Variants in KEL observed in about 807,000 individuals in gnomAD.
The protein encoded by KEL is Kell metallo-endopeptidase (Kell blood group).
In KEL, 96 loss-of-function variants were observed where a neutral mutation model predicts 99.5. The ratio of observed to expected loss-of-function variants is 0.97; its 90% CI spans 0.82 to 1.14. The LOEUF (loss-of-function observed/expected upper bound fraction) is 1.14. Among genes scored for constraint, KEL ranks in the 50% most tolerant of loss-of-function variants. The pLI is 0.00. For synonymous variants in KEL, 355 were observed against 354.8 expected (o/e 1.00, Z -0.01); for missense variants, 926 against 924.2 (o/e 1.00, Z -0.03).
chr7:142,958,276 G>A (rs1295629177), intron 5 of KEL, 28 bp downstream of exon 5: 2 of 1,613,946 alleles, frequency 1.2e-6, no homozygotes, highest in South Asian at 1.1e-5. Flanking sequence ...TATGTATCCA[G>A]AAAAGTTAAT....
Position 142,952,623 on chromosome 7 carries a change from G to A in KEL, c.1089C>T (p.Ser363=). 6.2e-7 allele frequency: 1 copy of A among 1,614,092 alleles called. No individual in the cohort carries two copies. The highest frequency in any genetic ancestry group is 1.1e-5 in the South Asian group (1 of 91,072). The stretch of plus-strand genomic sequence containing the variant: ...TCACCACCAGCCCTAAGATCATGTG[G>A]CTCTGCAGAAAGTCCCTATGGAGAC... ...MLLKQRDFLQ[S]HMILGLVVTL... The change falls in exon 10 of 19, where the codon AGC becomes AGT. Residue 363 remains serine (S), a synonymous_variant. Transcript: ENST00000355265.
intron 18 of KEL, chr7:142,941,958 G>A (rs750356677): frequency 1.7e-4 from 29 of 167,752 alleles, no homozygotes; most frequent in Non-Finnish European, 2.6e-4. Context: ...ACAGGCGCCC[G>A]CCACCAAGCC....
At chr7:142,957,701 G>A in intron 6 of KEL, 126 bp downstream of exon 6, 2 of 1,192,302 alleles carry the variant, frequency 1.7e-6, no homozygotes, top group East Asian at 2.3e-5. Context: ...TTCCCTTAAG[G>A]TAGGGTTGTT....
rs146272333 is a variant in KEL, at chr7:142,944,436, C to T, written c.1414-36G>A. 4.5e-6 allele frequency: 7 copies of T among 1,541,058 alleles called. No individual in the cohort carries two copies. The East Asian group carries it at 1.3e-4, about 30-fold the overall frequency. On this transcript the variant is annotated intron_variant, in intron 12 of 18. Coordinates refer to ENST00000355265, the MANE Select transcript of KEL (RefSeq NM_000420.3). The stretch of plus-strand genomic sequence containing the variant: ...ACACAGAAGAGGCTAGGAATACTCT[C>T]CGAGTCTACCAGAGGAAATTTCTCC...
At chr7:142,943,177 T>G in intron 16 of KEL, 99 bp downstream of exon 16, 1 of 1,550,804 alleles carries the variant, frequency 6.4e-7, no homozygotes, top group Non-Finnish European at 8.8e-7. Flanking sequence ...CTGCCCCACC[T>G]CAAACCCTCA....
rs1268359042 is a variant in KEL, at chr7:142,941,352, C to G, written c.2099G>C (p.Arg700Pro). The change falls in exon 19 of 19, where the codon CGA becomes CCA. Residue 700 changes from arginine (R) to proline (P), a missense_variant. Arg to Pro is a moderately radical substitution (Grantham distance 103). Transcript: ENST00000355265. ...SHDTHSPPHL[R>P]VHGPLSSTPA... ...GGTGCTGCTGAGGGGCCCGTGGACT[C>G]GGAGGTGTGGAGGGCTGTGAGTGTC... The G allele has an allele frequency of 6.2e-7, 1 of 1,613,184 alleles. No homozygotes were observed. The highest frequency in any genetic ancestry group is 8.5e-7 in the Non-Finnish European group (1 of 1,179,486).
Position 142,941,378 on chromosome 7 carries a change from G to A in KEL, c.2073C>T (p.His691=), listed in dbSNP as rs552539858. ...MCRKPSPQDS[H]DTHSPPHLRV... is the part of the protein sequence containing the mutation. ...GGAGGTGTGGAGGGCTGTGAGTGTC[G>A]TGAGAGTCCTGGGGGCTGGGCTTCC... The change falls in exon 19 of 19, where the codon CAC becomes CAT. Residue 691 remains histidine, a synonymous_variant. Transcript: ENST00000355265. 2.4e-5 allele frequency: 39 copies of A among 1,609,526 alleles called. No individual in the cohort carries two copies. In the South Asian group the frequency reaches 2.5e-4, roughly 10 times the overall value.
Position 142,957,766 on chromosome 7 carries a change from T to C in KEL, c.672+61A>G, listed in dbSNP as rs989848405. Reference sequence around the variant, plus strand: ...CAACCTGCAACCTTCCTCTAAGGGATGATTGGCTAGAGTTGGAGGCAGGCC... The same window carrying C: ...CAACCTGCAACCTTCCTCTAAGGGACGATTGGCTAGAGTTGGAGGCAGGCC... On this transcript the variant is annotated intron_variant, in intron 6 of 18. Coordinates refer to ENST00000355265, the MANE Select transcript of KEL (RefSeq NM_000420.3). 1.9e-5 allele frequency: 31 copies of C among 1,600,436 alleles called. 1 individual carries two copies. The highest frequency in any genetic ancestry group is 1.2e-4 in the Admixed American group (7 of 59,984).
intron 1 of KEL, 109 bp downstream of exon 1, chr7:142,962,095 T>C: frequency 6.2e-7 from 1 of 1,613,924 alleles, no homozygotes; most frequent in Non-Finnish European, 8.5e-7. Context: ...CTCCCCACCT[T>C]TCTACTCTGT....
intron 4 of KEL, among the ~76,000 whole-genome samples, chr7:142,958,853 C>A (rs896762933): frequency 6.6e-6 from 1 of 152,218 alleles, no homozygotes; most frequent in Non-Finnish European, 1.5e-5. Context: ...TCTCCGCAAT[C>A]TTTATCTTAC....
At chr7:142,941,480 G>T (rs1796352822) in intron 18 of KEL, 67 bp from the exon 19 acceptor site, 2 of 1,461,292 alleles carry the variant, frequency 1.4e-6, no homozygotes, top group African/African-American at 2.8e-5. Context: ...GTGACAAGGG[G>T]TGATCAGGGA....
chr7:142,946,407 G>T, intron 10 of KEL, 90 bp from the exon 11 acceptor site: 2 of 1,071,142 alleles, frequency 1.9e-6, no homozygotes, highest in Non-Finnish European at 2.8e-6. Flanking sequence ...CATTCCCAGA[G>T]GGTGCTCTTT....
At chr7:142,953,779 T>A (rs768850647) in intron 9 of KEL, 29 bp downstream of exon 9, 25 of 1,613,258 alleles carry the variant, frequency 1.5e-5, no homozygotes, top group South Asian at 3.3e-5. Context: ...TCCATTTCCA[T>A]GATCTCCCCA....
At chr7:142,961,134 A>T in intron 3 of KEL, 30 bp from the exon 4 acceptor site, 1 of 1,611,556 alleles carries the variant, frequency 6.2e-7, no homozygotes. Context: ...GCTGGGAAAG[A>T]AGAGGCAAAA....
In KEL at chr7:142,961,885, G is replaced by A. The variant is rs1471614188; in HGVS notation, c.4-13C>T. 6.2e-7 allele frequency: 1 copy of A among 1,613,306 alleles called. No individual in the cohort carries two copies. Among genetic ancestry groups the A allele is most frequent in the Admixed American group, 1.7e-5 (1 of 60,018 alleles). ...GGTCCCCACCTTCCTGAAGTGAGTG[G>A]AGGGAGAAGGAGGAGAGAGAAGCTG... On this transcript the variant is annotated splice_polypyrimidine_tract_variant and intron_variant, in intron 1 of 18. Transcript: ENST00000355265.
Position 142,962,101 on chromosome 7 carries a change from T to C in KEL, c.3+103A>G, listed in dbSNP as rs775421628. 3.1e-6 allele frequency: 5 copies of C among 1,613,854 alleles called. No homozygotes were observed. The East Asian group carries it at 1.1e-4, about 36-fold the overall frequency. ...CCTCCCTCTCTCCCCACCTTTCTAC[T>C]CTGTAAGCCTTACATTCCCTCCCCT... On this transcript the variant is annotated intron_variant, in intron 1 of 18. Coordinates refer to ENST00000355265, the MANE Select transcript of KEL (RefSeq NM_000420.3).
Position 142,943,791 on chromosome 7 carries a change from G to T in KEL, c.1584C>A (p.Pro528=). Residue 528 remains proline, a synonymous_variant, in exon 14 of 19, where the codon CCC becomes CCA. Coordinates refer to ENST00000355265, the MANE Select transcript of KEL (RefSeq NM_000420.3). ...CTCCCCTGCTGTCATACCTGTGTTG[G>T]GGGTGAGGCTGCAAGAAGCTCTGGA... ...RIVQSFLQPH[P]QHRWKVSPWD... 6.2e-7 allele frequency: 1 copy of T among 1,613,898 alleles called. No homozygotes were observed. Among genetic ancestry groups the T allele is most frequent in the Non-Finnish European group, 8.5e-7 (1 of 1,179,796 alleles).
chr7:142,948,987 T>C (rs1796605464), intron 10 of KEL, among the ~76,000 whole-genome samples: 1 of 151,944 alleles, frequency 6.6e-6, no homozygotes. Context: ...GGTGATTAAT[T>C]CAAAGTTTGC....
Position 142,944,631 on chromosome 7 carries a change from G to A in KEL, c.1413+12C>T, listed in dbSNP as rs747258760. On this transcript the variant is annotated intron_variant, in intron 12 of 18. Transcript: ENST00000355265. ...CACAGGCTCCCACACCAGCCAGGAC[G>A]CCTGGCCTGACCTTGTCCTGGGCCA... The A allele has an allele frequency of 1.6e-5, 25 of 1,598,374 alleles. No homozygotes were observed. The highest frequency in any genetic ancestry group is 2.2e-5 in the South Asian group (2 of 90,764).
Sources: gnomAD v4.1 joint callset for allele counts (sites outside exome capture counted in the v4.1 genomes callset) on GRCh38, gnomAD v4.1.1 for gene constraint, MANE v1.5 for transcripts, NCBI Gene and HGNC (gene_info 2026-07-23, HGNC 2026-07-21) for gene names.